The following CMYA5 variants were observed in gnomAD, a reference collection of about 807,000 sequenced individuals.
CMYA5 encodes cardiomyopathy-associated protein 5.
CMYA5 carries 246 observed loss-of-function variants against 318.9 expected under a neutral mutation model. The observed-to-expected ratio is 0.77, with a 90% CI of 0.70 to 0.86. CMYA5 has a LOEUF of 0.86. Ranked by LOEUF, CMYA5 falls within the 40% of genes least tolerant of loss-of-function variation. CMYA5 has a pLI of 0.00. For synonymous variants in CMYA5, 1,641 were observed against 1,729.5 expected (o/e 0.95, Z 1.27); for missense variants, 4,589 against 4,678.2 (o/e 0.98, Z 0.56).
intron 9 of CMYA5, among the ~76,000 whole-genome samples, chr5:79,777,794 A>AC (rs1188134993): frequency 7.7e-6 from 1 of 130,170 alleles, no homozygotes; most frequent in East Asian, 5.4e-4. Flanking sequence ...TAATAAAAAT[A>AC]AATTTTTTTT....
intron 12 of CMYA5, among the ~76,000 whole-genome samples, chr5:79,795,254 G>A (rs985903486): frequency 6.6e-6 from 1 of 152,028 alleles, no homozygotes; most frequent in South Asian, 2.1e-4. Flanking sequence ...GTCATCCTTC[G>A]AGGGCTTCAC....
chr5:79,762,983 G>T (rs1462705179), intron 8 of CMYA5, 79 bp from the exon 9 acceptor site: 11 of 1,463,544 alleles, frequency 7.5e-6, no homozygotes, highest in Non-Finnish European at 1.0e-5. Context: ...TGCCGAAGCC[G>T]TGGAAGATCA....
At chr5:79,718,951 G>C (rs1827569087) in intron 1 of CMYA5, among the ~76,000 whole-genome samples, 1 of 152,168 alleles carries the variant, frequency 6.6e-6, no homozygotes, top group Non-Finnish European at 1.5e-5. Context: ...CTAGGTTTGT[G>C]TAAGTACACT....
chr5:79,786,075 C>G (rs953261562), intron 9 of CMYA5, among the ~76,000 whole-genome samples: 4 of 152,224 alleles, frequency 2.6e-5, no homozygotes, highest in Non-Finnish European at 4.4e-5. Context: ...TGAGTCTCCT[C>G]TAAGTCATTT....
At chr5:79,697,736 A>G (rs1200682400) in intron 1 of CMYA5, among the ~76,000 whole-genome samples, 1 of 152,228 alleles carries the variant, frequency 6.6e-6, no homozygotes, top group Admixed American at 6.5e-5. Flanking sequence ...TAATATATAT[A>G]TAATACACAC....
intron 5 of CMYA5, among the ~76,000 whole-genome samples, chr5:79,748,230 G>C (rs1828363800): frequency 6.6e-6 from 1 of 152,066 alleles, no homozygotes; most frequent in Non-Finnish European, 1.5e-5. Flanking sequence ...CATTTTTAAG[G>C]CTTCCTAGAT....
At chr5:79,794,068 C>G (rs188204430) in intron 12 of CMYA5, among the ~76,000 whole-genome samples, 478 of 152,266 alleles carry the variant, frequency 3.1e-3, no homozygotes, top group Non-Finnish European at 5.4e-3. Flanking sequence ...TAAAAGGAGT[C>G]CCTCCACAGA....
At chr5:79,698,368 C>G (rs1827112016) in intron 1 of CMYA5, among the ~76,000 whole-genome samples, 1 of 152,114 alleles carries the variant, frequency 6.6e-6, no homozygotes, top group South Asian at 2.1e-4. Flanking sequence ...ATCATCCTGG[C>G]TGTGCCACTT....
chr5:79,775,264 A>G (rs1314450000), intron 9 of CMYA5, among the ~76,000 whole-genome samples: 1 of 152,192 alleles, frequency 6.6e-6, no homozygotes, highest in Non-Finnish European at 1.5e-5. Flanking sequence ...TTTGACTTTG[A>G]TCACGTACAA....
intron 9 of CMYA5, among the ~76,000 whole-genome samples, chr5:79,764,192 C>T (rs1828707792): frequency 6.6e-6 from 1 of 151,918 alleles, no homozygotes; most frequent in Non-Finnish European, 1.5e-5. Context: ...TGATGGTCCC[C>T]TCCCTGTGTC....
Position 79,692,307 on chromosome 5 carries a change from T to A in CMYA5, c.149+2251T>A, listed in dbSNP as rs151174411. 2.5e-3 allele frequency among the ~76,000 whole-genome samples: 374 copies of A among 152,310 alleles called. 1 individual carries two copies. The highest frequency in any genetic ancestry group is 8.4e-3 in the African/African-American group (351 of 41,568). ...CGGGGGCTTAGAATTTTATTTTTGGTTTGCAAACCTTCATTTTTAAAAATT... is the reference window on the plus strand; with the variant it reads ...CGGGGGCTTAGAATTTTATTTTTGGATTGCAAACCTTCATTTTTAAAAATT... On this transcript the variant is annotated intron_variant, in intron 1 of 12. Transcript: ENST00000446378.
chr5:79,721,968 C>T (rs1007967373), intron 1 of CMYA5, among the ~76,000 whole-genome samples: 11 of 152,040 alleles, frequency 7.2e-5, no homozygotes, highest in Non-Finnish European at 1.5e-4. Flanking sequence ...AATAAATAAG[C>T]CTGACTTGGT....
At chr5:79,777,891 G>A (rs1417150951) in intron 9 of CMYA5, 2 of 152,172 alleles carry the variant, frequency 1.3e-5, no homozygotes, top group Admixed American at 6.5e-5. Flanking sequence ...GGAGGCCGAG[G>A]CAGGTGGATC....
chr5:79,758,731 A>G (rs1225853514), intron 6 of CMYA5, 22 bp from the exon 7 acceptor site: 3 of 1,573,468 alleles, frequency 1.9e-6, no homozygotes, highest in East Asian at 2.3e-5. Context: ...ATTAGTTACA[A>G]TAAAACTTGT....
chr5:79,767,021 G>C (rs1003597613), intron 9 of CMYA5, among the ~76,000 whole-genome samples: 2 of 152,054 alleles, frequency 1.3e-5, no homozygotes, highest in Admixed American at 1.3e-4. Context: ...ACTTCTTCCT[G>C]GTTTAGTCTT....
intron 6 of CMYA5, among the ~76,000 whole-genome samples, chr5:79,754,353 A>G (rs1022626731): frequency 6.6e-6 from 1 of 152,238 alleles, no homozygotes; most frequent in Non-Finnish European, 1.5e-5. Context: ...CCATGCTTAT[A>G]CGATGGCTGG....
At chr5:79,706,527 C>G (rs1827276483) in intron 1 of CMYA5, among the ~76,000 whole-genome samples, 1 of 152,168 alleles carries the variant, frequency 6.6e-6, no homozygotes. Flanking sequence ...CTAAAGAGGC[C>G]TAGAAGAGTC....
intron 2 of CMYA5, 21 bp downstream of exon 2, chr5:79,739,424 CATAATT>C: frequency 6.9e-7 from 1 of 1,445,750 alleles, no homozygotes; most frequent in Non-Finnish European, 9.1e-7. Context: ...GTTGAACACA[CATAATT>C]AATAATATAT....
At position 79,739,304 on chromosome 5, in the gene CMYA5, T is replaced by C. The variant is rs777555886; in HGVS notation, c.10539T>C (p.Cys3513=). ...AAAAGTCCCAGATTGACACATACTG[T>C]TACACCTGCAAATGTCCAATTTCTG... The part of the protein sequence containing the change: ...ELKKSQIDTY[C]YTCKCPISAT... The change falls in exon 2 of 13, where the codon TGT becomes TGC. Residue 3513 remains cysteine (C), a synonymous_variant. Transcript: ENST00000446378. 1 of 1,600,980 alleles carries C rather than the reference T, an allele frequency of 6.2e-7. No individual in the cohort carries two copies. Among genetic ancestry groups the C allele is most frequent in the South Asian group, 1.1e-5 (1 of 88,392 alleles).
Sources: gnomAD v4.1 joint callset for allele counts (sites outside exome capture counted in the v4.1 genomes callset) on GRCh38, gnomAD v4.1.1 for gene constraint, MANE v1.5 for transcripts, NCBI Gene and HGNC (gene_info 2026-07-23, HGNC 2026-07-21) for gene names.